Variants in TRIQK observed in about 807,000 individuals in gnomAD.
TRIQK encodes triple QxxK/R motif-containing protein.
Under a neutral mutation model 10.8 loss-of-function variants are expected in TRIQK, and 10 were observed. That is an observed-to-expected ratio of 0.92 (90% CI 0.57 to 1.57). The LOEUF is 1.57. Among genes scored for constraint, TRIQK ranks in the 40% most tolerant of loss-of-function variants. The pLI, the probability that TRIQK is intolerant of heterozygous loss-of-function variation, is 0.00. For synonymous variants in TRIQK, 33 were observed against 33.7 expected (o/e 0.98, Z 0.07); for missense variants, 107 against 97.7 (o/e 1.09, Z -0.40).
chr8:92,951,132 CT>C (rs374890641), intron 2 of TRIQK, among the ~76,000 whole-genome samples: 8 of 150,286 alleles, frequency 5.3e-5, no homozygotes, highest in Admixed American at 1.3e-4. Flanking sequence ...ATTTTTATTG[CT>C]TTTTTTTTAT....
At chr8:92,997,383 T>C (rs1022802780) in intron 1 of TRIQK, among the ~76,000 whole-genome samples, 1 of 152,086 alleles carries the variant, frequency 6.6e-6, no homozygotes, top group East Asian at 1.9e-4. Flanking sequence ...ACCGAAACCC[T>C]ATCAACCTCA....
chr8:92,952,492 C>T (rs7842888), intron 2 of TRIQK, among the ~76,000 whole-genome samples: 12,939 of 151,502 alleles, frequency 0.085, 636 homozygotes, highest in Middle Eastern at 0.11. Context: ...GTATAACATA[C>T]GCATAATGGG....
intron 1 of TRIQK, among the ~76,000 whole-genome samples, chr8:93,013,606 G>T (rs1232883201): frequency 6.6e-6 from 1 of 152,082 alleles, no homozygotes; most frequent in Admixed American, 6.6e-5. Flanking sequence ...CTGAGAAATA[G>T]AAGCATCCCT....
intron 1 of TRIQK, among the ~76,000 whole-genome samples, chr8:93,006,467 T>C (rs951425437): frequency 5.3e-5 from 8 of 152,208 alleles, no homozygotes; most frequent in Non-Finnish European, 1.0e-4. Flanking sequence ...CCTCGTGAGC[T>C]GACGCCACCA....
rs562751353 is a variant in TRIQK at position 92,947,305 on chromosome 8, G to A, written c.-22+7101C>T. On this transcript the variant is annotated intron_variant, in intron 2 of 4. Coordinates refer to ENST00000521988, the MANE Select transcript of TRIQK (RefSeq NM_001171797.2). Reference sequence around the variant, plus strand: ...TATCTTAAAGCCTTCTTTCGTGGCCGGGCGCGGTGGCTCACGCCTGTAATC... The same window carrying A: ...TATCTTAAAGCCTTCTTTCGTGGCCAGGCGCGGTGGCTCACGCCTGTAATC... Among the ~76,000 whole-genome samples the A allele has an allele frequency of 1.9e-4, 29 of 151,014 alleles. No individual in the cohort carries two copies. The South Asian group carries it at 4.8e-3, about 25-fold the overall frequency.
intron 1 of TRIQK, among the ~76,000 whole-genome samples, chr8:92,985,690 CTT>C (rs772468056): frequency 3.3e-5 from 5 of 152,128 alleles, no homozygotes; most frequent in Non-Finnish European, 5.9e-5. Flanking sequence ...CTGAAGCATG[CTT>C]TTTAGTAATA....
intron 1 of TRIQK, among the ~76,000 whole-genome samples, chr8:92,995,306 T>C (rs1412897535): frequency 6.6e-6 from 1 of 152,104 alleles, no homozygotes; most frequent in African/African-American, 2.4e-5. Context: ...CTTTATCCTT[T>C]AGTTTTTAAC....
upstream of TRIQK, chr8:92,966,196 G>A (rs1188408645): frequency 6.6e-6 from 1 of 152,280 alleles, no homozygotes; most frequent in Non-Finnish European, 1.5e-5. Context: ...CTCTCGGATT[G>A]GTCGGCCTTT....
chr8:92,982,659 T>C (rs1023637131), intron 1 of TRIQK, among the ~76,000 whole-genome samples: 1 of 152,012 alleles, frequency 6.6e-6, no homozygotes, highest in Admixed American at 6.6e-5. Flanking sequence ...TAAGAATACG[T>C]TGGTCTTTTA....
At chr8:92,919,973 G>A (rs943909166) in intron 2 of TRIQK, among the ~76,000 whole-genome samples, 2 of 151,726 alleles carry the variant, frequency 1.3e-5, no homozygotes, top group Admixed American at 1.3e-4. Flanking sequence ...TGTGGTATCA[G>A]TTGTAATGTT....
chr8:92,970,256 G>C (rs142091144), upstream of TRIQK, among the ~76,000 whole-genome samples: 1 of 152,134 alleles, frequency 6.6e-6, no homozygotes, highest in African/African-American at 2.4e-5. Context: ...ATGAACATGC[G>C]CATGCATGTA....
At chr8:93,014,766 T>C in intron 1 of TRIQK, among the ~76,000 whole-genome samples, 1 of 152,050 alleles carries the variant, frequency 6.6e-6, no homozygotes, top group East Asian at 1.9e-4. Context: ...TGTATTTCAT[T>C]TGTTACACTG....
intron 1 of TRIQK, among the ~76,000 whole-genome samples, chr8:92,993,767 G>A (rs1813122480): frequency 1.3e-5 from 2 of 152,198 alleles, no homozygotes; most frequent in Non-Finnish European, 2.9e-5. Flanking sequence ...CTGGGAGATC[G>A]AGAATGATGT....
At chr8:92,986,828 C>T (rs571099373) in intron 1 of TRIQK, among the ~76,000 whole-genome samples, 85 of 152,190 alleles carry the variant, frequency 5.6e-4, no homozygotes, top group African/African-American at 2.0e-3. Flanking sequence ...CAGAGACGTA[C>T]ACATCTGTAA....
intron 2 of TRIQK, among the ~76,000 whole-genome samples, chr8:92,925,175 T>C (rs1810383892): frequency 6.6e-6 from 1 of 152,106 alleles, no homozygotes; most frequent in Non-Finnish European, 1.5e-5. Flanking sequence ...CTAGAACAAA[T>C]ATATTTCTTC....
At chr8:92,886,886 C>T (rs770280847) in intron 4 of TRIQK, 151 bp from the exon 5 acceptor site, 2 of 425,764 alleles carry the variant, frequency 4.7e-6, no homozygotes, top group Admixed American at 4.1e-5. Context: ...CCATTTTTTG[C>T]CGTTAAGAAA....
chr8:92,938,131 T>A (rs1811083383), intron 2 of TRIQK, among the ~76,000 whole-genome samples: 5 of 152,020 alleles, frequency 3.3e-5, no homozygotes, highest in African/African-American at 1.2e-4. Context: ...CAAATAGAAT[T>A]CTAGGGTTCT....
intron 3 of TRIQK, among the ~76,000 whole-genome samples, chr8:92,898,870 T>TATATAG (rs1563616273): frequency 7.6e-6 from 1 of 131,666 alleles, no homozygotes; most frequent in African/African-American, 2.8e-5. Context: ...TATATATATA[T>TATATAG]ATAGATGGGG....
intron 2 of TRIQK, among the ~76,000 whole-genome samples, chr8:92,945,015 A>C (rs1811454629): frequency 6.6e-6 from 1 of 152,224 alleles, no homozygotes; most frequent in East Asian, 1.9e-4. Flanking sequence ...TTAATAAAAA[A>C]ATTAAATAGA....
Sources: allele counts gnomAD v4.1 joint callset (sites outside exome capture counted in the v4.1 genomes callset), GRCh38; gene constraint gnomAD v4.1.1; transcripts MANE v1.5; gene names NCBI Gene and HGNC (gene_info 2026-07-23, HGNC 2026-07-21).